Variants in RAB22A observed in about 807,000 individuals in gnomAD.
The protein encoded by RAB22A is ras-related protein Rab-22A.
RAB22A carries 13 observed loss-of-function variants against 30.2 expected under a neutral mutation model. That is an observed-to-expected ratio of 0.43 (90% confidence interval 0.28 to 0.68). The LOEUF is 0.68. Among genes scored for constraint, RAB22A ranks in the 30% least tolerant of loss-of-function variants. The probability of loss-of-function intolerance (pLI) is 0.18; values close to 1 mark genes in which losing one functional copy is unlikely to be tolerated. For missense variants in RAB22A, 177 were observed against 246.8 expected (o/e 0.72, Z 1.89); for synonymous variants, 89 against 87.2 (o/e 1.02, Z -0.11).
At position 58,363,760 on chromosome 20, in the gene RAB22A, T is replaced by TG. The variant is rs1414702027; in HGVS notation, c.*4059dup. On this transcript the variant is annotated 3_prime_UTR_variant, in exon 7 of 7. Transcript: ENST00000244040. ...ACTGTATACCTGCCTCTAGTTAGCT[T>TG]GGTTTATCAAAAGGATTTTTAAATG... 6.6e-6 allele frequency: 1 copy of TG among 152,236 alleles called. No individual in the cohort carries two copies. Among genetic ancestry groups the TG allele is most frequent in the Non-Finnish European group, 1.5e-5 (1 of 68,034 alleles). 9.4% of individuals were successfully genotyped at this position (152,236 alleles called of 1,614,324 possible).
rs1883799 is a variant in RAB22A at position 58,361,691 on chromosome 20, T to C, written c.*1988T>C. The C allele has an allele frequency of 0.54, 82,861 of 152,058 alleles. 23,815 individuals are homozygous for C. The highest frequency in any genetic ancestry group is 0.73 in the African/African-American group (30,177 of 41,466). 9.4% of individuals were successfully genotyped at this position (152,058 alleles called of 1,614,324 possible). On this transcript the variant is annotated 3_prime_UTR_variant, in exon 7 of 7. Coordinates refer to ENST00000244040, the MANE Select transcript of RAB22A (RefSeq NM_020673.3). ...TCCCACTGCTGGGCCTCTATCTCCA[T>C]GACAACAAAATAAAAACAGAGGTTG...
At chr20:58,354,291 T>C (rs932810488) in intron 6 of RAB22A, 26 bp downstream of exon 6, 9 of 1,527,684 alleles carry the variant, frequency 5.9e-6, no homozygotes, top group Non-Finnish European at 8.1e-6. Context: ...CCTTATCCAT[T>C]TCCTCTGTAA....
chr20:58,328,544 G>A (rs1600728706), intron 2 of RAB22A, among the ~76,000 whole-genome samples: 1 of 151,986 alleles, frequency 6.6e-6, no homozygotes, highest in Non-Finnish European at 1.5e-5. Flanking sequence ...TAAAATGATG[G>A]CTATTTTACT....
intron 3 of RAB22A, among the ~76,000 whole-genome samples, chr20:58,344,009 G>A (rs1600736760): frequency 1.3e-5 from 2 of 152,152 alleles, no homozygotes; most frequent in African/African-American, 4.8e-5. Context: ...TGGGCACTGA[G>A]GGCATTTTTA....
rs911730370 is a variant in RAB22A at position 58,362,532 on chromosome 20, G to A, written c.*2829G>A. Reference sequence around the variant, plus strand: ...TATTAATTAGCTGCTACTGTATGTTGATTCTTTTCGGAGAAATTGAAATAA... The same window carrying A: ...TATTAATTAGCTGCTACTGTATGTTAATTCTTTTCGGAGAAATTGAAATAA... On this transcript the variant is annotated 3_prime_UTR_variant, in exon 7 of 7. Transcript: ENST00000244040. 6.6e-6 allele frequency: 1 copy of A among 152,196 alleles called. No homozygotes were observed. Among genetic ancestry groups the A allele is most frequent in the Non-Finnish European group, 1.5e-5 (1 of 68,028 alleles). 9.4% of individuals were successfully genotyped at this position (152,196 alleles called of 1,614,324 possible).
intron 6 of RAB22A, among the ~76,000 whole-genome samples, chr20:58,357,904 C>G (rs1294456144): frequency 6.6e-6 from 1 of 152,190 alleles, no homozygotes; most frequent in Non-Finnish European, 1.5e-5. Context: ...AAAAGGTGTA[C>G]ATGTCCATTT....
In RAB22A at chr20:58,366,202, C is replaced by T. The variant is rs1445684453; in HGVS notation, c.*6499C>T. The T allele has an allele frequency of 6.6e-6, 1 of 152,128 alleles. No homozygotes were observed. The highest frequency in any genetic ancestry group is 2.4e-5 in the African/African-American group (1 of 41,408). The allele number at this position is 152,128 out of a possible 1,614,324, so 9.4% of individuals were successfully genotyped here. On this transcript the variant is annotated 3_prime_UTR_variant, in exon 7 of 7. Transcript: ENST00000244040. ...TGGGCTCTCCCTTAAAGACACATGG[C>T]CACAGACACCTCCTTCGCATATGTA...
rs150271436 is a variant in RAB22A, at chr20:58,315,179, A to C, written c.116+4057A>C. On this transcript the variant is annotated intron_variant, in intron 2 of 6. Transcript: ENST00000244040. ...TCTTCTCTAGTTCCCTTCCTGCTTC[A>C]TAACCGTGCTTTCTCACTGCAGTCT... 2.0e-3 allele frequency among the ~76,000 whole-genome samples: 308 copies of C among 152,266 alleles called. 1 individual carries two copies. The highest frequency in any genetic ancestry group is 7.1e-3 in the African/African-American group (296 of 41,538).
At chr20:58,323,186 A>G (rs1986492564) in intron 2 of RAB22A, among the ~76,000 whole-genome samples, 1 of 152,106 alleles carries the variant, frequency 6.6e-6, no homozygotes, top group South Asian at 2.1e-4. Context: ...GGACTTGGAC[A>G]TCTTTCCAAG....
intron 2 of RAB22A, among the ~76,000 whole-genome samples, chr20:58,323,906 A>G (rs1009104054): frequency 6.6e-6 from 1 of 152,128 alleles, no homozygotes; most frequent in African/African-American, 2.4e-5. Flanking sequence ...GGTAAATTAT[A>G]TCATTAAATT....
intron 1 of RAB22A, among the ~76,000 whole-genome samples, chr20:58,310,838 G>T (rs1986210240): frequency 6.6e-6 from 1 of 152,166 alleles, no homozygotes; most frequent in Non-Finnish European, 1.5e-5. Context: ...TGTCTTAACG[G>T]CAAAAACCTC....
chr20:58,330,482 T>C (rs1162563316), intron 2 of RAB22A, among the ~76,000 whole-genome samples: 1 of 152,122 alleles, frequency 6.6e-6, no homozygotes, highest in African/African-American at 2.4e-5. Context: ...CACATTTTCT[T>C]GGATTATCTA....
Position 58,362,164 on chromosome 20 carries a change from CT to C in RAB22A, c.*2462del, listed in dbSNP as rs1987238219. 1 of 152,184 alleles carries C rather than the reference CT, an allele frequency of 6.6e-6. No individual in the cohort carries two copies. Among genetic ancestry groups the C allele is most frequent in the Admixed American group, 6.5e-5 (1 of 15,272 alleles). The allele number at this position is 152,184 out of a possible 1,614,324, so 9.4% of individuals were successfully genotyped here. On this transcript the variant is annotated 3_prime_UTR_variant, in exon 7 of 7. Transcript: ENST00000244040. ...GCACTGTTTCTCGTGTAATATCCTTCTAATGCTTAGCAACAACAACAAAAAA... is the reference window on the plus strand; with the variant it reads ...GCACTGTTTCTCGTGTAATATCCTTCAATGCTTAGCAACAACAACAAAAAA...
rs182013140 is a variant in RAB22A, at chr20:58,333,149, G to A, written c.117-10569G>A. ...ACAAAAATTAGCAGGGTGTGGTGGC[G>A]GGTACGTGTAATGCCAGCTACTTGG... is the stretch of plus-strand genomic sequence containing the variant. On this transcript the variant is annotated intron_variant, in intron 2 of 6. Transcript: ENST00000244040. Among the ~76,000 whole-genome samples, 18 of 152,006 alleles carry A rather than the reference G, an allele frequency of 1.2e-4. No homozygotes were observed. In the East Asian group the frequency reaches 2.7e-3, roughly 23 times the overall value.
Position 58,366,873 on chromosome 20 carries a change from A to T in RAB22A, c.*7170A>T, listed in dbSNP as rs953008904. Reference sequence around the variant, plus strand: ...GTTAAGCGTGTAAAAGTCCAAATTAAAAGTCTTGAAGAAAAACAGCTATGG... The same window carrying T: ...GTTAAGCGTGTAAAAGTCCAAATTATAAGTCTTGAAGAAAAACAGCTATGG... On this transcript the variant is annotated 3_prime_UTR_variant, in exon 7 of 7. Coordinates refer to ENST00000244040, the MANE Select transcript of RAB22A (RefSeq NM_020673.3). 3 of 152,616 alleles carry T rather than the reference A, an allele frequency of 2.0e-5. No homozygotes were observed. Among genetic ancestry groups the T allele is most frequent in the Admixed American group, 2.0e-4 (3 of 15,282 alleles). The allele number at this position is 152,616 out of a possible 1,614,324, so 9.5% of individuals were successfully genotyped here. A position where few individuals can be genotyped will look rare whatever the true frequency, so the allele number is the denominator to read the frequency against.
At chr20:58,311,171 T>G (rs1294472396) in intron 2 of RAB22A, 49 bp downstream of exon 2, 1 of 1,476,666 alleles carries the variant, frequency 6.8e-7, no homozygotes, top group South Asian at 1.1e-5. Flanking sequence ...TGAAAATCCT[T>G]CCAAATACAT....
intron 2 of RAB22A, among the ~76,000 whole-genome samples, chr20:58,327,874 G>A (rs909119193): frequency 7.9e-5 from 12 of 152,114 alleles, no homozygotes; most frequent in South Asian, 2.1e-4. Context: ...GAGAGACTGA[G>A]AAACTGATCC....
intron 6 of RAB22A, among the ~76,000 whole-genome samples, chr20:58,358,918 C>T (rs1173181624): frequency 2.7e-5 from 4 of 149,580 alleles, no homozygotes; most frequent in South Asian, 4.2e-4. Context: ...AAAAAGGTGA[C>T]GGCTCTTTCT....
chr20:58,345,463 T>C (rs1482408628), intron 3 of RAB22A: 1 of 152,276 alleles, frequency 6.6e-6, no homozygotes, highest in African/African-American at 2.4e-5. Context: ...CAAACCTGCC[T>C]TCAGCCTGCC....
Sources: allele counts gnomAD v4.1 joint callset (sites outside exome capture counted in the v4.1 genomes callset), GRCh38; gene constraint gnomAD v4.1.1; transcripts MANE v1.5; gene names NCBI Gene and HGNC (gene_info 2026-07-23, HGNC 2026-07-21).